The following TMEM182 variants were observed in gnomAD, a reference collection of about 807,000 sequenced individuals.
TMEM182 encodes the protein transmembrane protein 182.
A neutral mutation model predicts 26.8 loss-of-function variants in TMEM182; 20 were observed. The observed-to-expected ratio is 0.75, with a 90% confidence interval of 0.53 to 1.09. The LOEUF is 1.09. TMEM182 is among the 50% of genes least tolerant of loss of function. The probability of loss-of-function intolerance (pLI) is 0.00; values close to 1 mark genes in which losing one functional copy is unlikely to be tolerated. For missense variants in TMEM182, 277 were observed against 275.5 expected (o/e 1.01, Z -0.04); for synonymous variants, 109 against 102.2 (o/e 1.07, Z -0.40).
At chr2:102,813,049 A>G (rs969845342) in intron 4 of TMEM182, among the ~76,000 whole-genome samples, 1 of 152,142 alleles carries the variant, frequency 6.6e-6, no homozygotes, top group African/African-American at 2.4e-5. Flanking sequence ...CAGTGGCTAT[A>G]TTGCTCTACT....
At chr2:102,837,679 G>C (rs1683272430) in intron 3 of TMEM182, among the ~76,000 whole-genome samples, 1 of 152,186 alleles carries the variant, frequency 6.6e-6, no homozygotes, top group Non-Finnish European at 1.5e-5. Context: ...GGATCACTTG[G>C]TTCATTTCAC....
At chr2:102,755,287 T>G (rs1679997656) in intron 1 of TMEM182, among the ~76,000 whole-genome samples, 1 of 152,174 alleles carries the variant, frequency 6.6e-6, no homozygotes, top group Non-Finnish European at 1.5e-5. Flanking sequence ...CAAATTGACT[T>G]TGTTAATTTG....
intron 3 of TMEM182, among the ~76,000 whole-genome samples, chr2:102,829,212 T>A (rs1167822179): frequency 1.3e-5 from 2 of 152,184 alleles, no homozygotes; most frequent in Non-Finnish European, 2.9e-5. Flanking sequence ...AGTGATGGGC[T>A]ATACGTGGGC....
intron 3 of TMEM182, among the ~76,000 whole-genome samples, chr2:102,781,655 T>C (rs1395066118): frequency 1.3e-5 from 2 of 152,036 alleles, no homozygotes; most frequent in South Asian, 2.1e-4. Flanking sequence ...GCAGGAATCA[T>C]GATGAATGTT....
chr2:102,773,248 G>A (rs138437351), intron 3 of TMEM182, among the ~76,000 whole-genome samples: 2 of 152,006 alleles, frequency 1.3e-5, no homozygotes, highest in Non-Finnish European at 2.9e-5. Context: ...CTGACATTTG[G>A]GTGAGGGGAA....
intron 1 of TMEM182, among the ~76,000 whole-genome samples, chr2:102,745,393 A>G (rs1679664675): frequency 6.6e-6 from 1 of 152,104 alleles, no homozygotes; most frequent in African/African-American, 2.4e-5. Flanking sequence ...ATTGTGTGAT[A>G]GCTTCAACAT....
chr2:102,757,930 G>C (rs944064437), upstream of TMEM182, among the ~76,000 whole-genome samples: 1 of 152,118 alleles, frequency 6.6e-6, no homozygotes, highest in African/African-American at 2.4e-5. Context: ...AAAACTATCA[G>C]ATCTCATGAG....
chr2:102,761,120 G>A (rs538680516), upstream of TMEM182, among the ~76,000 whole-genome samples: 7 of 152,146 alleles, frequency 4.6e-5, no homozygotes, highest in Admixed American at 2.0e-4. Context: ...CCAAAGGAAC[G>A]GTGCAAGATT....
intron 3 of TMEM182, among the ~76,000 whole-genome samples, chr2:102,782,941 C>G (rs1192399017): frequency 6.6e-6 from 1 of 151,842 alleles, no homozygotes; most frequent in Admixed American, 6.6e-5. Context: ...TTTCTAGTAC[C>G]CAAGTTCATT....
chr2:102,781,475 G>C (rs965744045), intron 3 of TMEM182, among the ~76,000 whole-genome samples: 1 of 152,176 alleles, frequency 6.6e-6, no homozygotes, highest in East Asian at 1.9e-4. Context: ...GCATTTAAGC[G>C]TCATGGCATG....
chr2:102,783,701 G>C (rs547126775), intron 3 of TMEM182, among the ~76,000 whole-genome samples: 1 of 152,256 alleles, frequency 6.6e-6, no homozygotes, highest in Non-Finnish European at 1.5e-5. Context: ...AGGATCTCTT[G>C]AGCACAGGAG....
chr2:102,743,481 G>A (rs1409535933), intron 1 of TMEM182, among the ~76,000 whole-genome samples: 2 of 152,254 alleles, frequency 1.3e-5, no homozygotes, highest in East Asian at 3.9e-4. Flanking sequence ...GGGCAATGCA[G>A]TGAGACCCTG....
chr2:102,823,098 G>C (rs1682958658), intron 3 of TMEM182, among the ~76,000 whole-genome samples: 1 of 152,124 alleles, frequency 6.6e-6, no homozygotes, highest in African/African-American at 2.4e-5. Context: ...TTAACACTGT[G>C]AGCAGTAATA....
chr2:102,799,836 T>C (rs994627360), intron 4 of TMEM182, among the ~76,000 whole-genome samples: 1 of 152,204 alleles, frequency 6.6e-6, no homozygotes, highest in African/African-American at 2.4e-5. Flanking sequence ...AAAGGAGTTC[T>C]GGTTTCTATG....
chr2:102,767,013 C>CTTA (rs1680480942), intron 3 of TMEM182, among the ~76,000 whole-genome samples: 1 of 152,308 alleles, frequency 6.6e-6, no homozygotes, highest in South Asian at 2.1e-4. Flanking sequence ...CATACAGCTG[C>CTTA]TTATTGGCAG....
chr2:102,794,932 G>A (rs930077657), intron 3 of TMEM182, among the ~76,000 whole-genome samples: 18 of 152,094 alleles, frequency 1.2e-4, no homozygotes, highest in African/African-American at 4.3e-4. Flanking sequence ...TGACACAAAT[G>A]TGAGAACTTC....
chr2:102,785,805 T>C (rs989269204), intron 3 of TMEM182, among the ~76,000 whole-genome samples: 3 of 152,154 alleles, frequency 2.0e-5, no homozygotes, highest in South Asian at 2.1e-4. Context: ...TTCTTGGATG[T>C]TAGATGTTTA....
At chr2:102,835,217 A>C (rs1407340895) in intron 3 of TMEM182, among the ~76,000 whole-genome samples, 1 of 152,218 alleles carries the variant, frequency 6.6e-6, no homozygotes, top group Non-Finnish European at 1.5e-5. Context: ...TCATTCAACA[A>C]ATATATTTTG....
intron 3 of TMEM182, among the ~76,000 whole-genome samples, chr2:102,765,410 G>T (rs919234282): frequency 1.3e-5 from 2 of 152,110 alleles, no homozygotes; most frequent in South Asian, 4.1e-4. Context: ...ATTGGATGAG[G>T]CCCGCTCATA....
Sources: allele counts gnomAD v4.1 joint callset (sites outside exome capture counted in the v4.1 genomes callset), GRCh38; gene constraint gnomAD v4.1.1; transcripts MANE v1.5; gene names NCBI Gene and HGNC (gene_info 2026-07-23, HGNC 2026-07-21).